Variants in SNX18 observed in about 807,000 individuals in gnomAD.
SNX18 encodes sorting nexin-18.
Under a neutral mutation model 48.7 loss-of-function variants are expected in SNX18, and 35 were observed. The observed-to-expected ratio is 0.72, with a 90% CI of 0.55 to 0.95. SNX18 has a LOEUF of 0.95. Among genes scored for constraint, SNX18 ranks in the 40% least tolerant of loss-of-function variants. The pLI is 0.00. For missense variants in SNX18, 824 were observed against 871.0 expected, an observed-to-expected ratio of 0.95 and a Z score of 0.68; for synonymous variants, 492 against 384.7, an observed-to-expected ratio of 1.28 and a Z score of -3.26.
the SNX18 span, among the ~76,000 whole-genome samples, chr5:54,576,733 T>C: frequency 3.3e-5 from 5 of 152,204 alleles, no homozygotes; most frequent in Non-Finnish European, 4.4e-5. Flanking sequence ...ACAGAAACCT[T>C]GAAGGCCTGG....
At chr5:54,639,388 TGGCATATCATA>T in the SNX18 span, among the ~76,000 whole-genome samples, 1 of 152,226 alleles carries the variant, frequency 6.6e-6, no homozygotes, top group Admixed American at 6.5e-5. Flanking sequence ...TCACAATAGC[TGGCATATCATA>T]GGGGATCAGT....
At chr5:54,617,710 T>A in the SNX18 span, among the ~76,000 whole-genome samples, 1 of 152,216 alleles carries the variant, frequency 6.6e-6, no homozygotes, top group African/African-American at 2.4e-5. Context: ...GAATCTCTCT[T>A]TTTTCCCCTC....
chr5:54,535,201 G>A (rs1762329638), intron 1 of SNX18, among the ~76,000 whole-genome samples: 1 of 152,154 alleles, frequency 6.6e-6, no homozygotes, highest in Non-Finnish European at 1.5e-5. Context: ...GGTCTTTTCA[G>A]CCTGAGCATC....
At chr5:54,628,376 T>C in the SNX18 span, among the ~76,000 whole-genome samples, 3 of 152,120 alleles carry the variant, frequency 2.0e-5, no homozygotes, top group Admixed American at 2.0e-4. Context: ...GGGTTTCCCT[T>C]CTCAGTGAGT....
chr5:54,637,160 G>A, the SNX18 span, among the ~76,000 whole-genome samples: 1 of 152,072 alleles, frequency 6.6e-6, no homozygotes, highest in African/African-American at 2.4e-5. Flanking sequence ...AAGAATACAA[G>A]CAGAACATGT....
chr5:54,634,399 T>C, the SNX18 span, among the ~76,000 whole-genome samples: 223 of 152,260 alleles, frequency 1.5e-3, 1 homozygote, highest in African/African-American at 5.0e-3. Flanking sequence ...TTATTCTCAG[T>C]GGATAGGAGC....
the SNX18 span, among the ~76,000 whole-genome samples, chr5:54,625,221 A>G: frequency 2.6e-5 from 4 of 152,174 alleles, no homozygotes; most frequent in African/African-American, 9.7e-5. Context: ...CCTCCAAAAC[A>G]TAGTGGATTA....
In SNX18 at chr5:54,543,340, C is replaced by G; in HGVS notation, c.1783C>G (p.Gln595Glu). The change falls in exon 2 of 2, where the codon CAG (glutamine) becomes GAG (glutamate). Residue 595 changes from glutamine to glutamate, a missense_variant. Coordinates refer to ENST00000381410, the MANE Select transcript of SNX18 (RefSeq NM_001102575.2). ...AATTCGAGTGAGAGACTTTAAATCACAGATGCAGCATTTCTTACAACAACA... is the reference window on the plus strand; with the variant it reads ...AATTCGAGTGAGAGACTTTAAATCAGAGATGCAGCATTTCTTACAACAACA... ...HQIRVRDFKS[Q>E]MQHFLQQQII... 6.2e-7 allele frequency: 1 copy of G among 1,614,156 alleles called. No individual in the cohort carries two copies. The highest frequency in any genetic ancestry group is 8.5e-7 in the Non-Finnish European group (1 of 1,180,034).
chr5:54,530,598 C>T (rs977671598), intron 1 of SNX18, among the ~76,000 whole-genome samples: 3 of 152,188 alleles, frequency 2.0e-5, no homozygotes, highest in Admixed American at 1.3e-4. Context: ...TTGAAGACTT[C>T]CTGAGTGCCA....
the SNX18 span, among the ~76,000 whole-genome samples, chr5:54,629,474 G>A: frequency 1.9e-4 from 29 of 152,284 alleles, 1 homozygote; most frequent in South Asian, 2.7e-3. Flanking sequence ...CTGTAGAAGC[G>A]TTTAAAATGA....
chr5:54,575,649 C>A, the SNX18 span, among the ~76,000 whole-genome samples: 1 of 152,090 alleles, frequency 6.6e-6, no homozygotes, highest in East Asian at 1.9e-4. Flanking sequence ...CAGGCATGAG[C>A]AACCACATCC....
intron 1 of SNX18, among the ~76,000 whole-genome samples, chr5:54,522,716 C>T (rs370927905): frequency 1.3e-5 from 2 of 151,846 alleles, no homozygotes; most frequent in African/African-American, 4.8e-5. Flanking sequence ...GGATGGATGT[C>T]TGAGGCCATC....
At chr5:54,626,672 T>C in the SNX18 span, among the ~76,000 whole-genome samples, 1 of 152,260 alleles carries the variant, frequency 6.6e-6, no homozygotes, top group Non-Finnish European at 1.5e-5. Flanking sequence ...GGAAGTGTGC[T>C]ACCGTCATCT....
chr5:54,606,199 T>C, the SNX18 span, among the ~76,000 whole-genome samples: 1 of 152,172 alleles, frequency 6.6e-6, no homozygotes, highest in Non-Finnish European at 1.5e-5. Flanking sequence ...CATTCATACA[T>C]CTACTCTCAT....
At chr5:54,614,464 A>G in the SNX18 span, among the ~76,000 whole-genome samples, 1 of 152,198 alleles carries the variant, frequency 6.6e-6, no homozygotes, top group Non-Finnish European at 1.5e-5. Context: ...TACTACTTGT[A>G]TAATATACAT....
chr5:54,525,447 G>C (rs1478902176), intron 1 of SNX18, among the ~76,000 whole-genome samples: 2 of 151,940 alleles, frequency 1.3e-5, no homozygotes, highest in African/African-American at 4.8e-5. Context: ...ATCCCTCCTG[G>C]CAACCTATTG....
chr5:54,643,395 ACATT>A, the SNX18 span, among the ~76,000 whole-genome samples: 2 of 152,208 alleles, frequency 1.3e-5, no homozygotes, highest in African/African-American at 4.8e-5. Context: ...TGTGAAAAAC[ACATT>A]CAATTTATAG....
chr5:54,628,950 G>C, the SNX18 span, among the ~76,000 whole-genome samples: 3 of 152,182 alleles, frequency 2.0e-5, no homozygotes, highest in Non-Finnish European at 2.9e-5. Flanking sequence ...GTGGCTCCCT[G>C]CTGGAACTTG....
At chr5:54,520,076 T>C in intron 1 of SNX18, 1 of 436,816 alleles carries the variant, frequency 2.3e-6, no homozygotes, top group African/African-American at 2.0e-5. Context: ...ATCAATTCTC[T>C]GAGTTTAAGA....
Sources: gnomAD v4.1 joint callset for allele counts (sites outside exome capture counted in the v4.1 genomes callset) on GRCh38, gnomAD v4.1.1 for gene constraint, MANE v1.5 for transcripts, NCBI Gene and HGNC (gene_info 2026-07-23, HGNC 2026-07-21) for gene names.